The following MEIS1 variants were observed in gnomAD, a reference collection of about 807,000 sequenced individuals.
The protein encoded by MEIS1 is Meis homeobox 1.
A neutral mutation model predicts 50.8 loss-of-function variants in MEIS1; 5 were observed. The ratio of observed to expected loss-of-function variants is 0.10; its 90% CI spans 0.05 to 0.21. The LOEUF (loss-of-function observed/expected upper bound fraction) is 0.21. Among genes scored for constraint, MEIS1 ranks in the 10% least tolerant of loss-of-function variants. The pLI, the probability that MEIS1 is intolerant of heterozygous loss-of-function variation, is 1.00. For missense variants in MEIS1, 318 were observed against 517.3 expected, an observed-to-expected ratio of 0.61 and a Z score of 3.74; for synonymous variants, 176 against 179.3, an observed-to-expected ratio of 0.98 and a Z score of 0.15.
intron 7 of MEIS1, among the ~76,000 whole-genome samples, chr2:66,471,579 A>G (rs1380880555): frequency 6.6e-6 from 1 of 152,260 alleles, no homozygotes; most frequent in African/African-American, 2.4e-5. Context: ...CCTAGAATTG[A>G]CTACTTTTGT....
chr2:66,553,482 TCTAGTTG>T (rs1288583055), intron 9 of MEIS1, among the ~76,000 whole-genome samples: 3 of 152,316 alleles, frequency 2.0e-5, no homozygotes, highest in Non-Finnish European at 4.4e-5. Flanking sequence ...TAAAATACTG[TCTAGTTG>T]CTCATAAGAA....
chr2:66,475,553 T>C (rs183801317), intron 7 of MEIS1, among the ~76,000 whole-genome samples: 8 of 152,060 alleles, frequency 5.3e-5, no homozygotes, highest in African/African-American at 1.4e-4. Context: ...TGACTAGAAA[T>C]AGGTATTAAT....
intron 6 of MEIS1, among the ~76,000 whole-genome samples, chr2:66,451,754 A>G (rs1189542600): frequency 6.6e-6 from 1 of 151,316 alleles, no homozygotes; most frequent in Non-Finnish European, 1.5e-5. Flanking sequence ...TATTTACGTG[A>G]AGTGGAGTGT....
intron 9 of MEIS1, among the ~76,000 whole-genome samples, chr2:66,554,466 C>T (rs1675002486): frequency 3.3e-5 from 5 of 152,178 alleles, no homozygotes; most frequent in African/African-American, 1.2e-4. Flanking sequence ...AAGAGCTTGG[C>T]TACGCCTCAT....
intron 8 of MEIS1, among the ~76,000 whole-genome samples, chr2:66,516,640 G>A (rs1440702526): frequency 1.3e-5 from 2 of 151,532 alleles, no homozygotes; most frequent in East Asian, 3.9e-4. Flanking sequence ...TGATTTATAA[G>A]ACTTCCCTCT....
intron 6 of MEIS1, among the ~76,000 whole-genome samples, chr2:66,459,196 CAG>C (rs763884540): frequency 1.3e-5 from 2 of 152,136 alleles, no homozygotes; most frequent in South Asian, 4.2e-4. Context: ...AGGAGATAAT[CAG>C]GGGCTGGGGT....
At chr2:66,463,257 G>C (rs1672561361) in intron 6 of MEIS1, among the ~76,000 whole-genome samples, 1 of 151,348 alleles carries the variant, frequency 6.6e-6, no homozygotes, top group African/African-American at 2.4e-5. Context: ...ACTTCCTAGT[G>C]AAGGACCAGC....
intron 9 of MEIS1, among the ~76,000 whole-genome samples, chr2:66,560,318 G>A (rs1039583140): frequency 2.0e-5 from 3 of 151,994 alleles, no homozygotes; most frequent in Admixed American, 6.5e-5. Context: ...TAGTGGCTGG[G>A]TGCAGTGTCT....
chr2:66,435,704 G>A lies in MEIS1; in HGVS notation c.-153G>A, dbSNP rs1169728499. 1 of 641,318 alleles carries A rather than the reference G, an allele frequency of 1.6e-6. No homozygotes were observed. The highest frequency in any genetic ancestry group is 3.2e-5 in the East Asian group (1 of 30,802). The allele number at this position is 641,318 out of a possible 1,614,324, so 39.7% of individuals were successfully genotyped here. A position where few individuals can be genotyped will look rare whatever the true frequency, so the allele number is the denominator to read the frequency against. ...GTAGACCGAAGATCTGGGACCAGTA[G>A]CTCACGTTGCTGGAGACGTTAAGGG... On this transcript the variant is annotated 5_prime_UTR_variant, in exon 1 of 13. Coordinates refer to ENST00000272369, the MANE Select transcript of MEIS1 (RefSeq NM_002398.3).
chr2:66,447,376 CTT>C (rs1378659697), intron 6 of MEIS1, among the ~76,000 whole-genome samples: 1 of 152,188 alleles, frequency 6.6e-6, no homozygotes, highest in Non-Finnish European at 1.5e-5. Context: ...GTGATAAAGT[CTT>C]AGCATCACCT....
At chr2:66,539,727 T>G (rs1453096826) in intron 8 of MEIS1, among the ~76,000 whole-genome samples, 1 of 152,198 alleles carries the variant, frequency 6.6e-6, no homozygotes, top group Non-Finnish European at 1.5e-5. Flanking sequence ...TCCACTCTTA[T>G]TAATACTGCT....
intron 7 of MEIS1, among the ~76,000 whole-genome samples, chr2:66,488,219 G>A (rs981229065): frequency 6.6e-6 from 1 of 152,168 alleles, no homozygotes; most frequent in Non-Finnish European, 1.5e-5. Flanking sequence ...ATGGAAGAGT[G>A]TGGGTCAGGA....
At chr2:66,492,471 C>G (rs1673296235) in intron 7 of MEIS1, among the ~76,000 whole-genome samples, 1 of 152,182 alleles carries the variant, frequency 6.6e-6, no homozygotes, top group Admixed American at 6.5e-5. Flanking sequence ...ATAACTCTTT[C>G]ACTTGGCTGC....
At position 66,440,526 on chromosome 2, in the gene MEIS1, C is replaced by T. The variant is rs752185211; in HGVS notation, c.382-36C>T. ...CAAATTTTTCTTTCTTTTTTCTCTCCCCTCCCTCTCCCCTCTCCTTCTCAC... is the reference window on the plus strand; with the variant it reads ...CAAATTTTTCTTTCTTTTTTCTCTCTCCTCCCTCTCCCCTCTCCTTCTCAC... On this transcript the variant is annotated intron_variant, in intron 3 of 12. Coordinates refer to ENST00000272369, the MANE Select transcript of MEIS1 (RefSeq NM_002398.3). 13 of 1,572,336 alleles carry T rather than the reference C, an allele frequency of 8.3e-6. No homozygotes were observed. In the South Asian group the frequency reaches 1.1e-4, roughly 14 times the overall value.
chr2:66,500,827 A>G (rs2103829143), intron 7 of MEIS1, among the ~76,000 whole-genome samples: 1 of 152,166 alleles, frequency 6.6e-6, no homozygotes, highest in African/African-American at 2.4e-5. Flanking sequence ...GTTGTGTAAA[A>G]GTGTTTGTAT....
intron 6 of MEIS1, among the ~76,000 whole-genome samples, chr2:66,446,634 C>G (rs1672155030): frequency 6.6e-6 from 1 of 152,250 alleles, no homozygotes; most frequent in African/African-American, 2.4e-5. Context: ...TGGGCGAAGG[C>G]TGTCGGGCTG....
At chr2:66,553,494 T>A (rs1374389223) in intron 9 of MEIS1, among the ~76,000 whole-genome samples, 1 of 152,172 alleles carries the variant, frequency 6.6e-6, no homozygotes, top group African/African-American at 2.4e-5. Flanking sequence ...TAGTTGCTCA[T>A]AAGAAAATAT....
At chr2:66,474,905 A>T (rs1033837466) in intron 7 of MEIS1, among the ~76,000 whole-genome samples, 6 of 152,114 alleles carry the variant, frequency 3.9e-5, no homozygotes, top group Admixed American at 1.3e-4. Flanking sequence ...TTACATTTTT[A>T]AAAAATGTAT....
At chr2:66,551,681 C>G (rs188724502) in intron 9 of MEIS1, among the ~76,000 whole-genome samples, 211 of 151,062 alleles carry the variant, frequency 1.4e-3, no homozygotes, top group Non-Finnish European at 1.9e-3. Context: ...AATCAACCTC[C>G]ATAACTAGTT....
Sources: allele counts gnomAD v4.1 joint callset (sites outside exome capture counted in the v4.1 genomes callset), GRCh38; gene constraint gnomAD v4.1.1; transcripts MANE v1.5; gene names NCBI Gene and HGNC (gene_info 2026-07-23, HGNC 2026-07-21).